EGFR: variants seen among roughly 807,000 people sequenced by gnomAD.
The protein encoded by EGFR is avian erythroblastic leukemia viral (v-erb-b) oncogene homolog.
A neutral mutation model predicts 143.0 loss-of-function variants in EGFR; 58 were observed. That is an observed-to-expected ratio of 0.41 (90% CI 0.33 to 0.50). EGFR has a LOEUF of 0.50. Ranked by LOEUF, EGFR falls within the 20% of genes least tolerant of loss-of-function variation. EGFR has a pLI of 0.39. For missense variants in EGFR, 1,307 were observed against 1,579.0 expected (o/e 0.83, Z 2.92); for synonymous variants, 613 against 594.4 (o/e 1.03, Z -0.45).
intron 27 of EGFR, among the ~76,000 whole-genome samples, chr7:55,204,771 TACAC>T (rs1033839943): frequency 5.0e-5 from 6 of 119,232 alleles, no homozygotes; most frequent in African/African-American, 2.0e-4. Context: ...AATAGACACA[TACAC>T]ACCACACACA....
At chr7:55,171,264 C>G in intron 16 of EGFR, 51 bp downstream of exon 16, 1 of 1,606,832 alleles carries the variant, frequency 6.2e-7, no homozygotes, top group Middle Eastern at 1.7e-4. Context: ...AATGACCACA[C>G]TGCTGTGGGT....
chr7:55,081,535 C>T (rs975261286), intron 1 of EGFR, among the ~76,000 whole-genome samples: 2 of 152,132 alleles, frequency 1.3e-5, no homozygotes, highest in Non-Finnish European at 2.9e-5. Context: ...CACCTGCCAT[C>T]GTGCAGAGGT....
chr7:55,186,028 G>A (rs1787120973), intron 20 of EGFR, among the ~76,000 whole-genome samples: 2 of 152,184 alleles, frequency 1.3e-5, no homozygotes, highest in African/African-American at 4.8e-5. Flanking sequence ...TGAGTGGGCC[G>A]GGCTATCCCG....
intron 1 of EGFR, among the ~76,000 whole-genome samples, chr7:55,067,417 T>C (rs1026496111): frequency 1.3e-5 from 2 of 151,462 alleles, no homozygotes; most frequent in Non-Finnish European, 2.9e-5. Flanking sequence ...CAACGCAGAA[T>C]GACTGGGAAA....
intron 1 of EGFR, among the ~76,000 whole-genome samples, chr7:55,027,480 A>G (rs1423227790): frequency 6.6e-6 from 1 of 152,236 alleles, no homozygotes; most frequent in Non-Finnish European, 1.5e-5. Context: ...CTAAATGACC[A>G]TGAGGAAACC....
At chr7:55,190,234 C>A (rs1255272726) in intron 20 of EGFR, among the ~76,000 whole-genome samples, 1 of 152,090 alleles carries the variant, frequency 6.6e-6, no homozygotes, top group Non-Finnish European at 1.5e-5. Context: ...GGCAGGGAAG[C>A]ACTAACGTCC....
At position 55,196,178 on chromosome 7, in the gene EGFR, A is replaced by ATTTTTTTTTTTTTTTTTTTTTTTTTTTT. The variant is rs61541412; in HGVS notation, c.2702-2524_2702-2523insTTTTTTTTTTTTTTTTTTTTTTTTTTTT. ...CACAACCTCACCAGCATGTGTTGGG[A>ATTTTTTTTTTTTTTTTTTTTTTTTTTTT]TTTTTTTTTTTTTTTACTTTTCAAT... On this transcript the variant is annotated intron_variant, in intron 22 of 27. Coordinates refer to ENST00000275493, the MANE Select transcript of EGFR (RefSeq NM_005228.5). Among the ~76,000 whole-genome samples, 73 of 88,090 alleles carry ATTTTTTTTTTTTTTTTTTTTTTTTTTTT rather than the reference A, an allele frequency of 8.3e-4. 6 individuals are homozygous for ATTTTTTTTTTTTTTTTTTTTTTTTTTTT. The highest frequency in any genetic ancestry group is 9.3e-4 in the African/African-American group (19 of 20,346). The allele number at this position is 88,090 out of a possible 152,430, so 57.8% of individuals were successfully genotyped here.
intron 1 of EGFR, among the ~76,000 whole-genome samples, chr7:55,070,695 C>T (rs10488140): frequency 0.25 from 38,375 of 152,042 alleles, 5,869 homozygotes; most frequent in African/African-American, 0.43. Flanking sequence ...TGTCTTAATT[C>T]GCAGCCAGGG....
At position 55,146,621 on chromosome 7, in the gene EGFR, C is replaced by T. The variant is rs2128929424; in HGVS notation, c.440C>T (p.Ala147Val). 1 of 1,614,078 alleles carries T rather than the reference C, an allele frequency of 6.2e-7. No individual in the cohort carries two copies. ...TCTCCCGCAGAAATCCTGCATGGCG[C>T]CGTGCGGTTCAGCAACAACCCTGCC... The part of the protein sequence containing the change: ...MRNLQEILHG[A>V]VRFSNNPALC... Residue 147 changes from alanine to valine, a missense_variant, in exon 4 of 28, where the codon GCC (alanine) becomes GTC (valine). By Grantham distance (64) the Ala-to-Val change is moderately conservative. This residue lies in a region of EGFR where 311 missense variants were observed against 412.3 expected (regional missense o/e 0.75). Transcript: ENST00000275493.
intron 1 of EGFR, among the ~76,000 whole-genome samples, chr7:55,100,303 A>G (rs1381510148): frequency 6.6e-6 from 1 of 152,232 alleles, no homozygotes. Context: ...CCTTGGGGAC[A>G]CCATGAGCTC....
chr7:55,108,477 G>C (rs191377614), intron 1 of EGFR, among the ~76,000 whole-genome samples: 63 of 152,322 alleles, frequency 4.1e-4, no homozygotes, highest in African/African-American at 1.4e-3. Flanking sequence ...AGTGTCTGTG[G>C]AATAATTTTG....
intron 1 of EGFR, among the ~76,000 whole-genome samples, chr7:55,107,554 A>C (rs1008272815): frequency 6.6e-6 from 1 of 152,232 alleles, no homozygotes; most frequent in East Asian, 1.9e-4. Flanking sequence ...GCTGCAGGGC[A>C]TGAGACATCT....
intron 24 of EGFR, 67 bp from the exon 25 acceptor site, chr7:55,201,121 C>T (rs1787827527): frequency 2.5e-6 from 4 of 1,601,796 alleles, no homozygotes; most frequent in Non-Finnish European, 3.4e-6. Context: ...GACCCCTGCT[C>T]CTATAGCCAA....
At chr7:55,076,783 T>C (rs1054752011) in intron 1 of EGFR, among the ~76,000 whole-genome samples, 8 of 152,166 alleles carry the variant, frequency 5.3e-5, no homozygotes, top group African/African-American at 1.9e-4. Flanking sequence ...TCAGAATATA[T>C]ATACTACAAC....
intron 20 of EGFR, chr7:55,181,726 C>T (rs1786889531): frequency 7.0e-6 from 4 of 575,018 alleles, no homozygotes; most frequent in Non-Finnish European, 6.3e-6. Flanking sequence ...TTATTGAGTG[C>T]TCAGTGTGGT....
intron 3 of EGFR, among the ~76,000 whole-genome samples, chr7:55,146,046 T>C (rs1367348044): frequency 6.6e-6 from 1 of 152,190 alleles, no homozygotes; most frequent in Non-Finnish European, 1.5e-5. Flanking sequence ...GAAACAGCTG[T>C]ACAGTTTCAC....
chr7:55,168,684 T>C lies in EGFR; in HGVS notation c.1881-2491T>C, dbSNP rs1480947699. ...TCTTTAGTATGTGTGATTACATTCCTGATTCTGAGCCTTTTTAGATGAGTA... is the reference window on the plus strand; with the variant it reads ...TCTTTAGTATGTGTGATTACATTCCCGATTCTGAGCCTTTTTAGATGAGTA... On this transcript the variant is annotated intron_variant, in intron 15 of 27. Transcript: ENST00000275493. 6.8e-6 allele frequency: 8 copies of C among 1,184,954 alleles called. No homozygotes were observed. The East Asian group carries it at 1.8e-4, about 26-fold the overall frequency. 73.4% of individuals were successfully genotyped at this position (1,184,954 alleles called of 1,614,324 possible).
At chr7:55,152,766 A>G in intron 6 of EGFR, 102 bp downstream of exon 6, 2 of 958,534 alleles carry the variant, frequency 2.1e-6, no homozygotes, top group Non-Finnish European at 3.2e-6. Flanking sequence ...GTCAATTAGC[A>G]TTTGTCATAA....
chr7:55,108,264 A>T (rs1215189622), intron 1 of EGFR, among the ~76,000 whole-genome samples: 7 of 152,240 alleles, frequency 4.6e-5, no homozygotes, highest in African/African-American at 1.7e-4. Context: ...TGTTCTAGTC[A>T]TGACTTAGAA....
Sources: allele counts gnomAD v4.1 joint callset (sites outside exome capture counted in the v4.1 genomes callset), GRCh38; gene constraint gnomAD v4.1.1; regional missense constraint gnomAD v4.1.1; transcripts MANE v1.5; gene names NCBI Gene and HGNC (gene_info 2026-07-23, HGNC 2026-07-21).